ATP10B: variants seen among roughly 807,000 people sequenced by gnomAD.
The protein encoded by ATP10B is phospholipid-transporting ATPase VB.
In ATP10B, 122 loss-of-function variants were observed where a neutral mutation model predicts 141.2. The observed-to-expected ratio is 0.86, with a 90% CI of 0.75 to 1.00. ATP10B has a LOEUF of 1.00. Among genes scored for constraint, ATP10B ranks in the 50% least tolerant of loss-of-function variants. ATP10B has a pLI of 0.00. For synonymous variants in ATP10B, 685 were observed against 692.0 expected, an observed-to-expected ratio of 0.99 and a Z score of 0.16; for missense variants, 1,876 against 1,825.3, an observed-to-expected ratio of 1.03 and a Z score of -0.51.
chr5:160,675,105 G>A (rs1209251942), intron 6 of ATP10B, among the ~76,000 whole-genome samples: 1 of 152,166 alleles, frequency 6.6e-6, no homozygotes, highest in East Asian at 1.9e-4. Context: ...ATGGAGTGAA[G>A]CCCAGGGGAG....
At chr5:160,735,540 A>G (rs1484724372) in intron 2 of ATP10B, among the ~76,000 whole-genome samples, 2 of 152,168 alleles carry the variant, frequency 1.3e-5, no homozygotes, top group Non-Finnish European at 2.9e-5. Flanking sequence ...CCCCAATACA[A>G]TAATATCTGG....
chr5:160,579,928 T>C (rs576370084), intron 24 of ATP10B, among the ~76,000 whole-genome samples: 1 of 152,324 alleles, frequency 6.6e-6, no homozygotes, highest in East Asian at 1.9e-4. Context: ...TTTGTAGCAA[T>C]TGTGAATGGG....
rs531931014 is a variant in ATP10B at position 160,649,796 on chromosome 5, G to A, written c.676-540C>T. The stretch of plus-strand genomic sequence containing the variant: ...AGATATCCACAGCTAAAATGCTTGC[G>A]CATGTAATATTTCCAGGGTTTTAAA... On this transcript the variant is annotated intron_variant, in intron 7 of 25. Transcript: ENST00000327245. 1.0e-3 allele frequency among the ~76,000 whole-genome samples: 152 copies of A among 152,172 alleles called. 3 individuals are homozygous for A. In the South Asian group the frequency reaches 0.026, roughly 26 times the overall value.
chr5:160,736,026 A>G (rs1304530772), intron 2 of ATP10B, among the ~76,000 whole-genome samples: 1 of 152,210 alleles, frequency 6.6e-6, no homozygotes, highest in Non-Finnish European at 1.5e-5. Context: ...ATAAGTGCCT[A>G]TAAAGAGGAA....
At chr5:160,587,842 T>A (rs183565549) in intron 24 of ATP10B, among the ~76,000 whole-genome samples, 1 of 152,284 alleles carries the variant, frequency 6.6e-6, no homozygotes, top group Admixed American at 6.5e-5. Flanking sequence ...TAGATAATCT[T>A]TTATTTTTTC....
chr5:160,803,634 C>A (rs1042712356), intron 1 of ATP10B, among the ~76,000 whole-genome samples: 4 of 152,106 alleles, frequency 2.6e-5, no homozygotes, highest in African/African-American at 7.2e-5. Flanking sequence ...CAAGATCATA[C>A]CACTGTACTC....
intron 7 of ATP10B, among the ~76,000 whole-genome samples, chr5:160,658,226 G>A (rs1486031582): frequency 1.3e-5 from 2 of 152,174 alleles, no homozygotes; most frequent in African/African-American, 4.8e-5. Context: ...TTTATTGAAC[G>A]GACTATAATA....
At chr5:160,580,537 T>C (rs1045669408) in intron 24 of ATP10B, among the ~76,000 whole-genome samples, 3 of 152,206 alleles carry the variant, frequency 2.0e-5, no homozygotes, top group African/African-American at 4.8e-5. Flanking sequence ...GATAAGCTTT[T>C]TGATGTGCTG....
chr5:160,631,763 G>T (rs1045343727), intron 13 of ATP10B, among the ~76,000 whole-genome samples: 1 of 152,308 alleles, frequency 6.6e-6, no homozygotes, highest in African/African-American at 2.4e-5. Flanking sequence ...GAAGGTGGGT[G>T]GGGGGCTGTG....
chr5:160,679,537 C>T (rs1482370442), intron 6 of ATP10B, among the ~76,000 whole-genome samples: 4 of 152,198 alleles, frequency 2.6e-5, no homozygotes, highest in Admixed American at 6.5e-5. Flanking sequence ...TTGGCCTTGA[C>T]GTTTCTGCAG....
chr5:160,587,822 T>G (rs917210648), intron 24 of ATP10B, among the ~76,000 whole-genome samples: 2 of 149,136 alleles, frequency 1.3e-5, no homozygotes, highest in Admixed American at 6.6e-5. Flanking sequence ...GCTTAAGGAG[T>G]TTTTGGGCTT....
At chr5:160,808,437 T>G (rs1025687589) in intron 1 of ATP10B, among the ~76,000 whole-genome samples, 4 of 152,182 alleles carry the variant, frequency 2.6e-5, no homozygotes, top group African/African-American at 9.6e-5. Flanking sequence ...CTTCAAAACT[T>G]TTGTGGACAA....
chr5:160,704,764 T>C (rs1359801737), intron 3 of ATP10B, among the ~76,000 whole-genome samples: 1 of 152,154 alleles, frequency 6.6e-6, no homozygotes, highest in Non-Finnish European at 1.5e-5. Flanking sequence ...TTACCAATTA[T>C]CTTAGCTAGA....
At chr5:160,755,345 T>A (rs949802174) in intron 2 of ATP10B, among the ~76,000 whole-genome samples, 4 of 152,170 alleles carry the variant, frequency 2.6e-5, no homozygotes, top group Non-Finnish European at 4.4e-5. Context: ...GCATGAGATT[T>A]GGGCAGGACA....
chr5:160,756,138 C>A (rs1397494557), intron 2 of ATP10B, among the ~76,000 whole-genome samples: 1 of 123,048 alleles, frequency 8.1e-6, no homozygotes, highest in Non-Finnish European at 1.7e-5. Context: ...AAATTATTTG[C>A]ATTATGTATT....
the ATP10B span, among the ~76,000 whole-genome samples, chr5:160,884,692 T>G: frequency 6.6e-6 from 1 of 152,146 alleles, no homozygotes; most frequent in African/African-American, 2.4e-5. Flanking sequence ...GTATTCCATT[T>G]ATGGAAAAAA....
At chr5:160,572,761 T>A (rs1754953522) in intron 24 of ATP10B, among the ~76,000 whole-genome samples, 1 of 152,234 alleles carries the variant, frequency 6.6e-6, no homozygotes, top group African/African-American at 2.4e-5. Context: ...GACTAGTTTT[T>A]AAAAGTGTAA....
intron 25 of ATP10B, among the ~76,000 whole-genome samples, chr5:160,567,956 C>A (rs1261928838): frequency 6.6e-6 from 1 of 152,050 alleles, no homozygotes; most frequent in African/African-American, 2.4e-5. Context: ...TTGAGAAATA[C>A]GTAGTGGATA....
At chr5:160,615,056 C>G (rs188255736) in intron 17 of ATP10B, among the ~76,000 whole-genome samples, 1 of 152,310 alleles carries the variant, frequency 6.6e-6, no homozygotes, top group African/African-American at 2.4e-5. Flanking sequence ...CTTCTCTTCT[C>G]TCTCTCAGCA....
Sources: gnomAD v4.1 joint callset for allele counts (sites outside exome capture counted in the v4.1 genomes callset) on GRCh38, gnomAD v4.1.1 for gene constraint, MANE v1.5 for transcripts, NCBI Gene and HGNC (gene_info 2026-07-23, HGNC 2026-07-21) for gene names.